ZNF181: variants seen among roughly 807,000 people sequenced by gnomAD.
ZNF181 encodes zinc finger protein 181 (HHZ181).
In ZNF181, 8 loss-of-function variants were observed where a neutral mutation model predicts 11.9. The observed-to-expected ratio is 0.67, with a 90% confidence interval of 0.39 to 1.21. The LOEUF is 1.21. Ranked by LOEUF, ZNF181 falls within the 50% of genes most tolerant of loss-of-function variation. The pLI, the probability that ZNF181 is intolerant of heterozygous loss-of-function variation, is 0.01. For missense variants in ZNF181, 542 were observed against 670.9 expected, an observed-to-expected ratio of 0.81 and a Z score of 2.12; for synonymous variants, 202 against 221.1, an observed-to-expected ratio of 0.91 and a Z score of 0.77.
intron 3 of ZNF181, 108 bp downstream of exon 3, chr19:34,739,729 A>C (rs2145422073): frequency 8.9e-7 from 1 of 1,117,442 alleles, no homozygotes; most frequent in East Asian, 2.4e-5. Context: ...ACTGTTTTCA[A>C]AGATCTCAGA....
Position 34,741,905 on chromosome 19 carries a change from G to C in ZNF181, c.1524G>C (p.Gln508His), listed in dbSNP as rs1350884777. The change falls in exon 4 of 4, where the codon CAG becomes CAC. Residue 508 changes from glutamine (Q) to histidine (H), a missense_variant. Transcript: ENST00000492450. ...FSCSSNLTVH[Q>H]RIHTGEKPYK... ...GTAGTTCAAACCTTACCGTACATCAGAGAATTCACACTGGAGAAAAGCCAT... is the reference window on the plus strand; with the variant it reads ...GTAGTTCAAACCTTACCGTACATCACAGAATTCACACTGGAGAAAAGCCAT... 11 of 1,613,752 alleles carry C rather than the reference G, an allele frequency of 6.8e-6. No individual in the cohort carries two copies. In the Admixed American group the frequency reaches 1.2e-4, roughly 17 times the overall value.
rs1305312134 is a variant in ZNF181, at chr19:34,744,616, C to T, written c.*2519C>T. On this transcript the variant is annotated 3_prime_UTR_variant, in exon 4 of 4. Transcript: ENST00000492450. ...TTAAGGTCACAGTGAGCTATCATCACACCACTGCTTTCCAGCCTGGACAGC... is the reference window on the plus strand; with the variant it reads ...TTAAGGTCACAGTGAGCTATCATCATACCACTGCTTTCCAGCCTGGACAGC... 1 of 152,216 alleles carries T rather than the reference C, an allele frequency of 6.6e-6. No homozygotes were observed. The highest frequency in any genetic ancestry group is 1.5e-5 in the Non-Finnish European group (1 of 68,086). 9.4% of individuals were successfully genotyped at this position (152,216 alleles called of 1,614,324 possible).
In ZNF181 at chr19:34,740,837, C is replaced by A. The variant is rs745976961; in HGVS notation, c.456C>A (p.Asp152Glu). The A allele has an allele frequency of 8.7e-6, 14 of 1,613,968 alleles. No homozygotes were observed. The highest frequency in any genetic ancestry group is 1.2e-5 in the Non-Finnish European group (14 of 1,180,008). The change falls in exon 4 of 4, where the codon GAC becomes GAA. Residue 152 changes from aspartate (D) to glutamate (E), a missense_variant. Transcript: ENST00000492450. The part of the protein sequence containing the change: ...ILTSRESPTA[D>E]SVYKYNIFRS... Reference sequence around the variant, plus strand: ...CCTCTAGAGAAAGCCCCACTGCAGACAGTGTTTACAAATACAATATATTTA... The same window carrying A: ...CCTCTAGAGAAAGCCCCACTGCAGAAAGTGTTTACAAATACAATATATTTA...
rs150015631 is a variant in ZNF181, at chr19:34,739,767, G to A, written c.229+146G>A. 4.8e-6 allele frequency: 4 copies of A among 825,276 alleles called. No homozygotes were observed. In the East Asian group the frequency reaches 1.1e-4, roughly 22 times the overall value. The allele number at this position is 825,276 out of a possible 1,614,324, so 51.1% of individuals were successfully genotyped here. On this transcript the variant is annotated intron_variant, in intron 3 of 3. Transcript: ENST00000492450. ...GAAATGAAAAATTGTGGGATATTTA[G>A]CTTAGATTTTCAAAACAATTGTTCC...
chr19:34,741,042 C>T lies in ZNF181; in HGVS notation c.661C>T (p.Gln221Ter), dbSNP rs759428981. ...NSNKSGAAFSQGKSLTLPQTC... is the reference protein window; with the variant it reads ...NSNKSGAAFS ...TAATAAAAGTGGGGCAGCCTTCAGC[C>T]AGGGCAAATCTCTTACCCTTCCCCA... is the stretch of plus-strand genomic sequence containing the variant. The change falls in exon 4 of 4, where the codon CAG (glutamine) becomes TAG (stop). Residue 221 changes from glutamine to a stop codon, truncating the protein, a stop_gained. Coordinates refer to ENST00000492450, the MANE Select transcript of ZNF181 (RefSeq NM_001029997.4). LOFTEE classifies it low-confidence loss of function (END_TRUNC). The T allele has an allele frequency of 9.9e-6, 16 of 1,613,992 alleles. No homozygotes were observed. The highest frequency in any genetic ancestry group is 2.2e-5 in the East Asian group (1 of 44,900).
rs779108859 is a variant in ZNF181, at chr19:34,741,000, A to C, written c.619A>C (p.Lys207Gln). Residue 207 changes from lysine to glutamine, a missense_variant, in exon 4 of 4, where the codon AAG becomes CAG. Physicochemically the swap from Lys to Gln is moderately conservative, Grantham distance 53. Coordinates refer to ENST00000492450, the MANE Select transcript of ZNF181 (RefSeq NM_001029997.4). The part of the protein sequence containing the change: ...VIKNEKVNGG[K>Q]KLLNSNKSGA... ...AAAAAATGAGAAAGTCAATGGTGGA[A>C]AGAAACTTTTGAATTCTAATAAAAG... is the stretch of plus-strand genomic sequence containing the variant. The C allele has an allele frequency of 5.0e-6, 8 of 1,614,170 alleles. No homozygotes were observed. The South Asian group carries it at 7.7e-5, about 16-fold the overall frequency.
rs200824777 is a variant in ZNF181, at chr19:34,742,018, G to A, written c.1637G>A (p.Ser546Asn). 1 of 1,612,946 alleles carries A rather than the reference G, an allele frequency of 6.2e-7. No homozygotes were observed. Among genetic ancestry groups the A allele is most frequent in the Non-Finnish European group, 8.5e-7 (1 of 1,179,510 alleles). The change falls in exon 4 of 4, where the codon AGT becomes AAT. Residue 546 changes from serine to asparagine, a missense_variant. Ser to Asn is a conservative substitution (Grantham distance 46). Coordinates refer to ENST00000492450, the MANE Select transcript of ZNF181 (RefSeq NM_001029997.4). ...GTACATAATGGAGAGAAACCCAATA[G>A]TGTGGTAAGTGTGGAAAAGCCTTTA... ...QRVHNGEKPN[S>N]VVSVEKPLDY...
chr19:34,744,864 C>G lies in ZNF181; in HGVS notation c.*2767C>G, dbSNP rs1284883980. 2 of 152,084 alleles carry G rather than the reference C, an allele frequency of 1.3e-5. No individual in the cohort carries two copies. Among genetic ancestry groups the G allele is most frequent in the Non-Finnish European group, 2.9e-5 (2 of 68,016 alleles). 9.4% of individuals were successfully genotyped at this position (152,084 alleles called of 1,614,324 possible). A position where few individuals can be genotyped will look rare whatever the true frequency, so the allele number is the denominator to read the frequency against. ...ATGCCCAGATTTTGTTTCCACTACA[C>G]ATAGTTTAATGCTACCATGTCACTT... On this transcript the variant is annotated 3_prime_UTR_variant, in exon 4 of 4. Transcript: ENST00000492450.
Position 34,742,969 on chromosome 19 carries a change from CCTG to C in ZNF181, c.*875_*877del, listed in dbSNP as rs1447807747. 1 of 152,104 alleles carries C rather than the reference CCTG, an allele frequency of 6.6e-6. No individual in the cohort carries two copies. The highest frequency in any genetic ancestry group is 1.5e-5 in the Non-Finnish European group (1 of 68,026). 9.4% of individuals were successfully genotyped at this position (152,104 alleles called of 1,614,324 possible). On this transcript the variant is annotated 3_prime_UTR_variant, in exon 4 of 4. Transcript: ENST00000492450. ...GACTAGCAAACCTAGAGAAAAATGACCTGCTCTTTATACTAAGAATAGCAGTAT... is the reference window on the plus strand; with the variant it reads ...GACTAGCAAACCTAGAGAAAAATGACCTCTTTATACTAAGAATAGCAGTAT...
chr19:34,737,727 A>T (rs2068907961), intron 1 of ZNF181, among the ~76,000 whole-genome samples: 1 of 152,198 alleles, frequency 6.6e-6, no homozygotes, highest in Non-Finnish European at 1.5e-5. Flanking sequence ...TTTTCCACAG[A>T]AGCAGGAGGT....
In ZNF181 at chr19:34,741,821, C is replaced by T. The variant is rs2068982927; in HGVS notation, c.1440C>T (p.His480=). The change falls in exon 4 of 4, where the codon CAC becomes CAT. Residue 480 remains histidine, a synonymous_variant. Transcript: ENST00000492450. ...FSHRSSLLQH[H]RIHTGEKPYE... is the part of the protein sequence containing the mutation. ...ATAGGTCATCCCTGCTTCAACATCA[C>T]AGAATTCATACTGGAGAGAAACCTT... 4 of 1,613,794 alleles carry T rather than the reference C, an allele frequency of 2.5e-6. No individual in the cohort carries two copies. Among genetic ancestry groups the T allele is most frequent in the East Asian group, 2.2e-5 (1 of 44,816 alleles).
intron 1 of ZNF181, 62 bp downstream of exon 1, chr19:34,735,108 C>G: frequency 6.5e-7 from 1 of 1,537,190 alleles, no homozygotes; most frequent in Non-Finnish European, 8.8e-7. Flanking sequence ...GTTTGCTTTG[C>G]TTCTCCTGCC....
Position 34,740,803 on chromosome 19 carries a change from C to A in ZNF181, c.422C>A (p.Ala141Glu). 6.2e-7 allele frequency: 1 copy of A among 1,614,032 alleles called. No individual in the cohort carries two copies. Among genetic ancestry groups the A allele is most frequent in the Non-Finnish European group, 8.5e-7 (1 of 1,179,976 alleles). The stretch of plus-strand genomic sequence containing the variant: ...AGTCAGGTAGACCATTTCAGACCAG[C>A]AATTCTCACCTCTAGAGAAAGCCCC... ...HGSQVDHFRP[A>E]ILTSRESPTA... The change falls in exon 4 of 4, where the codon GCA (alanine) becomes GAA (glutamate). Residue 141 changes from alanine (A) to glutamate (E), a missense_variant. Transcript: ENST00000492450.
rs750697310 is a variant in ZNF181 at position 34,739,223 on chromosome 19, T to C, written c.85T>C (p.Tyr29His). The change falls in exon 2 of 4, where the codon TAC (tyrosine) becomes CAC (histidine). Residue 29 changes from tyrosine to histidine, a missense_variant. By Grantham distance (83) the Tyr-to-His change is moderately conservative (BLOSUM62 2). Coordinates refer to ENST00000492450, the MANE Select transcript of ZNF181 (RefSeq NM_001029997.4). Reference protein sequence around the residue: ...GWLSSAQRDLYKDVMVQNYEN... With the variant: ...GWLSSAQRDLHKDVMVQNYEN... ...GCTCAGTTCTGCTCAGAGGGACTTA[T>C]ACAAGGATGTGATGGTCCAGAATTA... is the stretch of plus-strand genomic sequence containing the variant. 17 of 1,613,760 alleles carry C rather than the reference T, an allele frequency of 1.1e-5. No individual in the cohort carries two copies. In the East Asian group the frequency reaches 2.2e-4, roughly 21 times the overall value.
At position 34,741,471 on chromosome 19, in the gene ZNF181, C is replaced by T; in HGVS notation, c.1090C>T (p.Leu364Phe). 1 of 1,613,658 alleles carries T rather than the reference C, an allele frequency of 6.2e-7. No individual in the cohort carries two copies. Among genetic ancestry groups the T allele is most frequent in the Non-Finnish European group, 8.5e-7 (1 of 1,179,854 alleles). ...CGKAFIHRSS[L>F]IHHQKIHTGE... ...AAAGGCCTTCATTCATAGGTCATCT[C>T]TCATTCACCATCAGAAAATCCATAC... The change falls in exon 4 of 4, where the codon CTC becomes TTC. Residue 364 changes from leucine to phenylalanine, a missense_variant. By Grantham distance (22) the Leu-to-Phe change is conservative (BLOSUM62 0). Coordinates refer to ENST00000492450, the MANE Select transcript of ZNF181 (RefSeq NM_001029997.4).
chr19:34,736,258 G>C (rs1042873120), intron 1 of ZNF181: 98 of 684,014 alleles, frequency 1.4e-4, no homozygotes, highest in Non-Finnish European at 2.4e-4. Context: ...GGAGAAGTTA[G>C]ATAATTAGAA....
At position 34,742,175 on chromosome 19, in the gene ZNF181, T is replaced by C; in HGVS notation, c.*78T>C. Reference sequence around the variant, plus strand: ...AAAATTTATACTGGGGAAAGTCTTATGAATGTGGTGAATATAGGAAGACCT... The same window carrying C: ...AAAATTTATACTGGGGAAAGTCTTACGAATGTGGTGAATATAGGAAGACCT... On this transcript the variant is annotated 3_prime_UTR_variant, in exon 4 of 4. Transcript: ENST00000492450. The C allele has an allele frequency of 7.1e-7, 1 of 1,404,186 alleles. No homozygotes were observed. The highest frequency in any genetic ancestry group is 2.3e-5 in the East Asian group (1 of 43,574). 87.0% of individuals were successfully genotyped at this position (1,404,186 alleles called of 1,614,324 possible).
rs1391879863 is a variant in ZNF181, at chr19:34,742,785, A to C, written c.*688A>C. ...TCACCCAGAGGAGCCAGTAAGTGTT[A>C]TAATATTGAAAATTAAAGCTGCAAA... On this transcript the variant is annotated 3_prime_UTR_variant, in exon 4 of 4. Transcript: ENST00000492450. The C allele has an allele frequency of 6.6e-6, 1 of 152,222 alleles. No individual in the cohort carries two copies. Among genetic ancestry groups the C allele is most frequent in the East Asian group, 1.9e-4 (1 of 5,198 alleles). The allele number at this position is 152,222 out of a possible 1,614,324, so 9.4% of individuals were successfully genotyped here. A position where few individuals can be genotyped will look rare whatever the true frequency, so the allele number is the denominator to read the frequency against.
chr19:34,740,554 C>A, intron 3 of ZNF181, 57 bp from the exon 4 acceptor site: 1 of 1,456,936 alleles, frequency 6.9e-7, no homozygotes, highest in African/African-American at 1.6e-5. Flanking sequence ...TTAGAAGTTT[C>A]TTTTCAAATA....
Sources: allele counts gnomAD v4.1 joint callset (sites outside exome capture counted in the v4.1 genomes callset), GRCh38; gene constraint gnomAD v4.1.1; transcripts MANE v1.5; gene names NCBI Gene and HGNC (gene_info 2026-07-23, HGNC 2026-07-21).